SLC13A3: variants seen among roughly 807,000 people sequenced by gnomAD.
SLC13A3 encodes solute carrier family 13 member 3.
SLC13A3 carries 40 observed loss-of-function variants against 59.0 expected under a neutral mutation model. The ratio of observed to expected loss-of-function variants is 0.68; its 90% CI spans 0.53 to 0.88. The LOEUF (loss-of-function observed/expected upper bound fraction) is 0.88, where lower values mean the gene tolerates loss of function less well. Ranked by LOEUF, SLC13A3 falls within the 40% of genes least tolerant of loss-of-function variation. SLC13A3 has a pLI of 0.00. For missense variants in SLC13A3, 699 were observed against 783.2 expected, an observed-to-expected ratio of 0.89 and a Z score of 1.28; for synonymous variants, 317 against 330.3, an observed-to-expected ratio of 0.96 and a Z score of 0.44.
intron 3 of SLC13A3, among the ~76,000 whole-genome samples, chr20:46,600,324 A>AAAGG (rs143437944): frequency 0.029 from 2,455 of 83,684 alleles, 43 homozygotes; most frequent in Middle Eastern, 0.053. Flanking sequence ...GGAAGGAAGG[A>AAAGG]AAGGAAGGAA....
Position 46,563,512 on chromosome 20 carries a change from G to C in SLC13A3, c.1534C>G (p.Pro512Ala). The change falls in exon 12 of 13, where the codon CCG (proline) becomes GCG (alanine). Residue 512 changes from proline (P) to alanine (A), a missense_variant. Physicochemically the swap from Pro to Ala is conservative, Grantham distance 27. Coordinates refer to ENST00000279027, the MANE Select transcript of SLC13A3 (RefSeq NM_022829.6). ...GCAAAGGAGCAGCCGACTGTGCCCG[G>C]AATCATCAGATACAGGGGGTGCACT... ...LRVHPLYLMI[P>A]GTVGCSFAFM... 1 of 1,614,044 alleles carries C rather than the reference G, an allele frequency of 6.2e-7. No homozygotes were observed. Among genetic ancestry groups the C allele is most frequent in the Non-Finnish European group, 8.5e-7 (1 of 1,180,002 alleles).
chr20:46,613,150 C>T (rs920642096), intron 2 of SLC13A3, among the ~76,000 whole-genome samples: 2 of 151,976 alleles, frequency 1.3e-5, no homozygotes, highest in Non-Finnish European at 2.9e-5. Context: ...GTGGCCCCCT[C>T]CAAAACTATG....
At chr20:46,658,463 G>T (rs955465103) in intron 1 of SLC13A3, among the ~76,000 whole-genome samples, 1 of 152,238 alleles carries the variant, frequency 6.6e-6, no homozygotes, top group Non-Finnish European at 1.5e-5. Flanking sequence ...CCATCAAACT[G>T]ATCATTTAAA....
At chr20:46,579,513 G>A (rs191113528) in intron 9 of SLC13A3, among the ~76,000 whole-genome samples, 1 of 152,144 alleles carries the variant, frequency 6.6e-6, no homozygotes, top group South Asian at 2.1e-4. Context: ...CTCCACAAAA[G>A]TCTTTAGTGT....
At chr20:46,561,032 A>G (rs999846823) in intron 12 of SLC13A3, among the ~76,000 whole-genome samples, 69 of 152,336 alleles carry the variant, frequency 4.5e-4, no homozygotes, top group African/African-American at 1.6e-3. Context: ...GAGAAAAGTC[A>G]AACTGGGAAC....
chr20:46,600,011 T>G lies in SLC13A3; in HGVS notation c.568A>C (p.Thr190Pro). The part of the protein sequence containing the change: ...TAAVRRNGLH[T>P]VPTEMQFLAS... ...AGAAACTGCATCTCCGTGGGCACAGTGTGTAGGCCGTTTCTCCGCACAGCA... is the reference window on the plus strand; with the variant it reads ...AGAAACTGCATCTCCGTGGGCACAGGGTGTAGGCCGTTTCTCCGCACAGCA... The change falls in exon 4 of 13, where the codon ACT (threonine) becomes CCT (proline). Residue 190 changes from threonine (T) to proline (P), a missense_variant. Thr to Pro is a conservative substitution (Grantham distance 38). Coordinates refer to ENST00000279027, the MANE Select transcript of SLC13A3 (RefSeq NM_022829.6). 6.3e-7 allele frequency: 1 copy of G among 1,580,286 alleles called. No homozygotes were observed. The highest frequency in any genetic ancestry group is 8.6e-7 in the Non-Finnish European group (1 of 1,156,210).
chr20:46,562,787 A>C, intron 12 of SLC13A3, among the ~76,000 whole-genome samples: 1 of 150,134 alleles, frequency 6.7e-6, no homozygotes, highest in African/African-American at 2.5e-5. Flanking sequence ...CCTCGCTCTC[A>C]CTCTCGCTCT....
intron 1 of SLC13A3, among the ~76,000 whole-genome samples, chr20:46,643,234 GATACATA>G (rs113226184): frequency 0.04 from 6,032 of 152,174 alleles, 363 homozygotes; most frequent in African/African-American, 0.13. Context: ...TGCACCAGCA[GATACATA>G]ATTAAAACAT....
intron 1 of SLC13A3, 131 bp downstream of exon 1, chr20:46,651,180 G>C: frequency 7.4e-7 from 1 of 1,342,404 alleles, no homozygotes; most frequent in Non-Finnish European, 9.5e-7. Context: ...GCAGGTGCAA[G>C]GGAGGGAAGG....
intron 1 of SLC13A3, among the ~76,000 whole-genome samples, chr20:46,629,687 G>C (rs1227456739): frequency 6.6e-6 from 1 of 152,008 alleles, no homozygotes; most frequent in Non-Finnish European, 1.5e-5. Flanking sequence ...CTTTATAACA[G>C]AATAGCTTTA....
chr20:46,670,150 T>A (rs1358870563), upstream of SLC13A3: 3 of 152,232 alleles, frequency 2.0e-5, no homozygotes, highest in African/African-American at 7.2e-5. Flanking sequence ...CTGGAATACA[T>A]GAGCAGCTTT....
At chr20:46,621,263 G>A (rs1007554791) in intron 1 of SLC13A3, among the ~76,000 whole-genome samples, 2 of 142,882 alleles carry the variant, frequency 1.4e-5, no homozygotes, top group Non-Finnish European at 3.0e-5. Flanking sequence ...ACAGTTTTGT[G>A]AGAGTTTTAA....
chr20:46,665,382 A>G (rs1026605969), intron 1 of SLC13A3, among the ~76,000 whole-genome samples: 5 of 152,144 alleles, frequency 3.3e-5, no homozygotes, highest in African/African-American at 1.2e-4. Context: ...CATGCCCACT[A>G]ACAGTCACTC....
Position 46,596,142 on chromosome 20 carries a change from G to T in SLC13A3, c.794+15C>A. Reference sequence around the variant, plus strand: ...GAGCAGAACCCTCCCCGCCGGTGGGGACTCTCGCTTTCACCTCTTGAGCTG... The same window carrying T: ...GAGCAGAACCCTCCCCGCCGGTGGGTACTCTCGCTTTCACCTCTTGAGCTG... On this transcript the variant is annotated intron_variant, in intron 5 of 12. Coordinates refer to ENST00000279027, the MANE Select transcript of SLC13A3 (RefSeq NM_022829.6). 1.2e-6 allele frequency: 2 copies of T among 1,610,238 alleles called. No homozygotes were observed. The highest frequency in any genetic ancestry group is 1.7e-6 in the Non-Finnish European group (2 of 1,178,192).
chr20:46,575,630 C>A lies in SLC13A3; in HGVS notation c.1275G>T (p.Val425=). ...CCAGGAGAAGGATGATGTTCCAGGG[C>A]ACTGTCTCCTGGGCCTTCTTCCAGG... ...LLTWKKAQET[V]PWNIILLLGG... The change falls in exon 10 of 13, where the codon GTG becomes GTT. Residue 425 remains valine (V), a synonymous_variant. Transcript: ENST00000279027. The A allele has an allele frequency of 6.2e-7, 1 of 1,606,626 alleles. No homozygotes were observed.
rs3752266 is a variant in SLC13A3 at position 46,583,860 on chromosome 20, T to A, written c.1122-191A>T. ...GCAAAGCTCTTCATTCACAGCTCCC[T>A]GGGGGCATTTAGATGCTGCTTGGGC... On this transcript the variant is annotated intron_variant, in intron 8 of 12. Transcript: ENST00000279027. The A allele has an allele frequency of 1.3e-4, 133 of 985,408 alleles. No individual in the cohort carries two copies. In the East Asian group the frequency reaches 0.013, roughly 97 times the overall value. 61.0% of individuals were successfully genotyped at this position (985,408 alleles called of 1,614,324 possible). A position where few individuals can be genotyped will look rare whatever the true frequency, so the allele number is the denominator to read the frequency against.
upstream of SLC13A3, among the ~76,000 whole-genome samples, chr20:46,656,026 A>C (rs1452890628): frequency 7.0e-6 from 1 of 143,804 alleles, no homozygotes; most frequent in African/African-American, 2.5e-5. Context: ...CAGTATATAT[A>C]CATATACTAC....
intron 3 of SLC13A3, chr20:46,608,820 G>T: frequency 1.3e-6 from 2 of 1,491,404 alleles, no homozygotes; most frequent in Non-Finnish European, 1.8e-6. Flanking sequence ...TGAGGTAAAT[G>T]ATCCAAAGCC....
intron 3 of SLC13A3, chr20:46,600,596 C>G: frequency 2.2e-6 from 1 of 463,994 alleles, no homozygotes; most frequent in Non-Finnish European, 4.5e-6. Flanking sequence ...ACCTGAGCAG[C>G]CATTGCCAAA....
Sources: allele counts gnomAD v4.1 joint callset (sites outside exome capture counted in the v4.1 genomes callset), GRCh38; gene constraint gnomAD v4.1.1; transcripts MANE v1.5; gene names NCBI Gene and HGNC (gene_info 2026-07-23, HGNC 2026-07-21).